The following MS4A6A variants were observed in gnomAD, a reference collection of about 807,000 sequenced individuals.
The protein encoded by MS4A6A is membrane spanning 4-domains A6A.
Under a neutral mutation model 20.6 loss-of-function variants are expected in MS4A6A, and 19 were observed. That is an observed-to-expected ratio of 0.92 (90% CI 0.64 to 1.36). The LOEUF (loss-of-function observed/expected upper bound fraction) is 1.36. MS4A6A is among the 40% of genes most tolerant of loss of function. The pLI, the probability that MS4A6A is intolerant of heterozygous loss-of-function variation, is 0.00. For synonymous variants in MS4A6A, 108 were observed against 105.0 expected (o/e 1.03, Z -0.17); for missense variants, 272 against 261.1 (o/e 1.04, Z -0.29).
chr11:60,177,609 GA>G lies in MS4A6A; in HGVS notation c.339+650del, dbSNP rs1362967760. ...TTGTTAGCCAATACAAATGACTAAGGACAACTTTTTAGGGTGCAAGAATTTA... is the reference window on the plus strand; with the variant it reads ...TTGTTAGCCAATACAAATGACTAAGGCAACTTTTTAGGGTGCAAGAATTTA... On this transcript the variant is annotated intron_variant, in intron 4 of 5. Coordinates refer to ENST00000528851, the MANE Select transcript of MS4A6A (RefSeq NM_022349.4). 5.9e-5 allele frequency among the ~76,000 whole-genome samples: 9 copies of G among 152,064 alleles called. No homozygotes were observed. In the East Asian group the frequency reaches 1.7e-3, roughly 29 times the overall value.
upstream of MS4A6A, chr11:60,183,146 T>C (rs896620994): frequency 3.9e-6 from 6 of 1,535,738 alleles, no homozygotes; most frequent in African/African-American, 1.4e-5. Flanking sequence ...AGATTGTAGA[T>C]TTGTGAAATG....
upstream of MS4A6A, chr11:60,184,071 C>T (rs1291688005): frequency 6.6e-6 from 1 of 152,304 alleles, no homozygotes; most frequent in Non-Finnish European, 1.5e-5. Flanking sequence ...AGAAACACAA[C>T]CTGAACCATC....
chr11:60,179,542 A>AT (rs956266836), intron 3 of MS4A6A: 182 of 558,494 alleles, frequency 3.3e-4, no homozygotes, highest in Middle Eastern at 9.3e-4. Context: ...TAATTCATGG[A>AT]TTTTTTTTTC....
At chr11:60,182,874 A>T in intron 1 of MS4A6A, 104 bp downstream of exon 1, 1 of 480,642 alleles carries the variant, frequency 2.1e-6, no homozygotes, top group Non-Finnish European at 3.1e-6. Flanking sequence ...AAAAGGCCCT[A>T]GTGTCTCTTA....
At position 60,175,403 on chromosome 11, in the gene MS4A6A, G is replaced by T; in HGVS notation, c.548C>A (p.Ala183Asp). ...AACATCCCATCTAAAAATACTTACA[G>T]CCAGACTGGCTTTGGCTGTATAGCA... ...TDCYTAKASL[A>D]GTLSLMLICT... The change falls in exon 5 of 6, where the codon GCT becomes GAT. Residue 183 changes from alanine to aspartate, a missense_variant and splice_region_variant. By Grantham distance (126) the Ala-to-Asp change is moderately radical. Coordinates refer to ENST00000528851, the MANE Select transcript of MS4A6A (RefSeq NM_022349.4). The T allele has an allele frequency of 2.5e-6, 4 of 1,611,044 alleles. No individual in the cohort carries two copies. The highest frequency in any genetic ancestry group is 3.4e-6 in the Non-Finnish European group (4 of 1,177,380).
At chr11:60,183,271 T>G, upstream of MS4A6A, 1 of 1,190,844 alleles carries the variant, frequency 8.4e-7, no homozygotes, top group South Asian at 1.4e-5. Context: ...AATTGCCACT[T>G]CGAGACATAC....
chr11:60,174,604 G>A (rs1458665026), intron 5 of MS4A6A, among the ~76,000 whole-genome samples: 5 of 152,242 alleles, frequency 3.3e-5, no homozygotes, highest in Admixed American at 1.3e-4. Context: ...TATTATAGGG[G>A]TGAGCCACTG....
upstream of MS4A6A, chr11:60,183,134 AC>A: frequency 2.0e-6 from 3 of 1,535,732 alleles, no homozygotes; most frequent in Non-Finnish European, 2.6e-6. Flanking sequence ...TGTGATACTC[AC>A]AGATTGTAGA....
intron 2 of MS4A6A, 102 bp from the exon 3 acceptor site, chr11:60,180,067 G>A: frequency 1.7e-6 from 2 of 1,164,266 alleles, no homozygotes; most frequent in Non-Finnish European, 2.5e-6. Context: ...CCTTCTGCAA[G>A]ATCCTAATGA....
Position 60,173,138 on chromosome 11 carries a change from C to A in MS4A6A, c.550-9G>T. 6.2e-7 allele frequency: 1 copy of A among 1,612,408 alleles called. No individual in the cohort carries two copies. Among genetic ancestry groups the A allele is most frequent in the South Asian group, 1.1e-5 (1 of 91,000 alleles). Reference sequence around the variant, plus strand: ...ATCAGAGAGAGAGTTCCCTGAAAGTCAAGAAATAAAAGATTGATGTTGCTT... The same window carrying A: ...ATCAGAGAGAGAGTTCCCTGAAAGTAAAGAAATAAAAGATTGATGTTGCTT... On this transcript the variant is annotated splice_polypyrimidine_tract_variant and intron_variant, in intron 5 of 5. Transcript: ENST00000528851.
downstream of MS4A6A, chr11:60,172,457 C>T: frequency 1.6e-6 from 2 of 1,266,946 alleles, no homozygotes; most frequent in South Asian, 5.6e-5. Context: ...TAAATCAAGG[C>T]TTTTTAATTC....
At chr11:60,175,878 C>A (rs926793506) in intron 4 of MS4A6A, among the ~76,000 whole-genome samples, 1 of 152,088 alleles carries the variant, frequency 6.6e-6, no homozygotes, top group African/African-American at 2.4e-5. Context: ...TAAATTCTTT[C>A]CCCAGGACAG....
In MS4A6A at chr11:60,172,830, C is replaced by T; in HGVS notation, c.*171G>A. ...TTCTCATGATTAACTATTTTCATATCCAGTGAATTTTCAGCTTATCAGCTA... is the reference window on the plus strand; with the variant it reads ...TTCTCATGATTAACTATTTTCATATTCAGTGAATTTTCAGCTTATCAGCTA... On this transcript the variant is annotated 3_prime_UTR_variant, in exon 6 of 6. Transcript: ENST00000528851. 7.1e-7 allele frequency: 1 copy of T among 1,407,748 alleles called. No individual in the cohort carries two copies. Among genetic ancestry groups the T allele is most frequent in the Non-Finnish European group, 9.3e-7 (1 of 1,077,840 alleles). The allele number at this position is 1,407,748 out of a possible 1,614,324, so 87.2% of individuals were successfully genotyped here. A position where few individuals can be genotyped will look rare whatever the true frequency, so the allele number is the denominator to read the frequency against.
chr11:60,179,731 G>A (rs772207396), intron 3 of MS4A6A, 100 bp downstream of exon 3: 7 of 1,379,032 alleles, frequency 5.1e-6, no homozygotes, highest in Middle Eastern at 1.8e-4. Flanking sequence ...CCTTGCTCCT[G>A]GCAGATCAAA....
chr11:60,174,750 GA>G (rs1398268181), intron 5 of MS4A6A, among the ~76,000 whole-genome samples: 17 of 152,068 alleles, frequency 1.1e-4, no homozygotes, highest in African/African-American at 4.1e-4. Context: ...TTCTTCCAAA[GA>G]GATAGAATTC....
chr11:60,181,590 T>A lies in MS4A6A; in HGVS notation c.138A>T (p.Lys46Asn). The A allele has an allele frequency of 6.2e-7, 1 of 1,614,052 alleles. No homozygotes were observed. ...SLKKHLHAEI[K>N]VIGTIQILCG... Reference sequence around the variant, plus strand: ...TCTGAATTAGATTTACCCCAATAACTTTGATTTCTGCGTGTAGATGTTTCT... The same window carrying A: ...TCTGAATTAGATTTACCCCAATAACATTGATTTCTGCGTGTAGATGTTTCT... Residue 46 changes from lysine (K) to asparagine (N), a missense_variant, in exon 2 of 6, where the codon AAA (lysine) becomes AAT (asparagine). Physicochemically the swap from Lys to Asn is moderately conservative, Grantham distance 94 (BLOSUM62 0). Coordinates refer to ENST00000528851, the MANE Select transcript of MS4A6A (RefSeq NM_022349.4).
intron 2 of MS4A6A, 179 bp downstream of exon 2, chr11:60,181,402 T>A: frequency 1.6e-6 from 1 of 643,850 alleles, no homozygotes; most frequent in East Asian, 2.7e-5. Flanking sequence ...AATATATTTT[T>A]AAGACAACCT....
intron 3 of MS4A6A, chr11:60,179,512 G>A (rs1031881786): frequency 2.5e-5 from 14 of 550,352 alleles, no homozygotes; most frequent in Non-Finnish European, 3.9e-5. Flanking sequence ...TGTATAAAAT[G>A]TTCCTTCCCA....
intron 5 of MS4A6A, among the ~76,000 whole-genome samples, chr11:60,173,432 A>C (rs956675380): frequency 6.6e-6 from 1 of 152,230 alleles, no homozygotes; most frequent in Non-Finnish European, 1.5e-5. Flanking sequence ...ACTCGGTAAG[A>C]AAGCAGAGTG....
Sources: gnomAD v4.1 joint callset for allele counts (sites outside exome capture counted in the v4.1 genomes callset) on GRCh38, gnomAD v4.1.1 for gene constraint, MANE v1.5 for transcripts, NCBI Gene and HGNC (gene_info 2026-07-23, HGNC 2026-07-21) for gene names.